Variants in CSMD1 observed in about 807,000 individuals in gnomAD.
CSMD1 encodes CUB and sushi domain-containing protein 1.
Under a neutral mutation model 417.5 loss-of-function variants are expected in CSMD1, and 213 were observed. That is an observed-to-expected ratio of 0.51 (90% confidence interval 0.46 to 0.57). The LOEUF is 0.57. Ranked by LOEUF, CSMD1 falls within the 20% of genes least tolerant of loss-of-function variation. The pLI is 0.00. For synonymous variants in CSMD1, 2,862 were observed against 1,736.8 expected, an observed-to-expected ratio of 1.65 and a Z score of -16.11; for missense variants, 6,923 against 4,529.7, an observed-to-expected ratio of 1.53 and a Z score of -15.17.
At chr8:4,679,660 A>G (rs1352549986) in intron 1 of CSMD1, among the ~76,000 whole-genome samples, 3 of 152,140 alleles carry the variant, frequency 2.0e-5, no homozygotes, top group Non-Finnish European at 4.4e-5. Context: ...GGAAGTTAGG[A>G]GGATCAAACA....
At chr8:3,279,058 G>C (rs17391886) in intron 26 of CSMD1, 1 of 152,130 alleles carries the variant, frequency 6.6e-6, no homozygotes. Context: ...ACTGGTGCCC[G>C]ATTCTCACTG....
chr8:3,582,216 G>T (rs1038839010), intron 9 of CSMD1, among the ~76,000 whole-genome samples: 2 of 152,152 alleles, frequency 1.3e-5, no homozygotes, highest in African/African-American at 2.4e-5. Flanking sequence ...GTCTGTTTTA[G>T]GTAGGATTTA....
chr8:4,070,767 C>T (rs573001295), intron 3 of CSMD1, among the ~76,000 whole-genome samples: 4 of 152,326 alleles, frequency 2.6e-5, no homozygotes, highest in Admixed American at 2.6e-4. Flanking sequence ...GAGCCTGTCA[C>T]TGACACCCTC....
intron 53 of CSMD1, among the ~76,000 whole-genome samples, chr8:2,999,612 C>T (rs1807220927): frequency 6.6e-6 from 1 of 152,138 alleles, no homozygotes; most frequent in Non-Finnish European, 1.5e-5. Context: ...GCACCTCCAC[C>T]CTCCTACTAT....
intron 2 of CSMD1, among the ~76,000 whole-genome samples, chr8:4,505,388 G>C (rs1266963049): frequency 2.6e-5 from 4 of 152,192 alleles, no homozygotes; most frequent in East Asian, 1.9e-4. Context: ...AAATTTCTAA[G>C]ATGATAAATA....
intron 2 of CSMD1, among the ~76,000 whole-genome samples, chr8:4,523,312 A>T (rs890318041): frequency 2.0e-5 from 3 of 152,166 alleles, no homozygotes; most frequent in Non-Finnish European, 4.4e-5. Context: ...GCAGTTCTGA[A>T]ACTGTATACA....
chr8:4,101,534 C>T (rs1249708514), intron 3 of CSMD1, among the ~76,000 whole-genome samples: 1 of 152,110 alleles, frequency 6.6e-6, no homozygotes, highest in Non-Finnish European at 1.5e-5. Flanking sequence ...AGGAAACATA[C>T]CTAAAAAATT....
intron 5 of CSMD1, among the ~76,000 whole-genome samples, chr8:3,754,654 C>T (rs1563343693): frequency 1.3e-5 from 2 of 152,144 alleles, no homozygotes; most frequent in Admixed American, 6.5e-5. Context: ...AAGGTTTTGC[C>T]GTGTTGGCCA....
At chr8:4,175,695 C>G (rs1016689548) in intron 3 of CSMD1, among the ~76,000 whole-genome samples, 1 of 152,054 alleles carries the variant, frequency 6.6e-6, no homozygotes, top group African/African-American at 2.4e-5. Context: ...AATGTCCTCA[C>G]AGAAGGGAGA....
Position 3,795,823 on chromosome 8 carries a change from T to C in CSMD1, c.819-41781A>G, listed in dbSNP as rs1467445093. Among the ~76,000 whole-genome samples the C allele has an allele frequency of 3.0e-5, 2 of 67,518 alleles. 1 individual carries two copies. Among genetic ancestry groups the C allele is most frequent in the African/African-American group, 1.3e-4 (2 of 15,450 alleles). 44.3% of individuals were successfully genotyped at this position (67,518 alleles called of 152,430 possible). A position where few individuals can be genotyped will look rare whatever the true frequency, so the allele number is the denominator to read the frequency against. On this transcript the variant is annotated intron_variant, in intron 5 of 69. Transcript: ENST00000635120. The stretch of plus-strand genomic sequence containing the variant: ...TACCTATCATGTACAGATATAGATA[T>C]ATATCTATCATGTACAGATATAGAT...
chr8:4,001,237 A>C (rs1306581552), intron 4 of CSMD1, among the ~76,000 whole-genome samples: 1 of 152,178 alleles, frequency 6.6e-6, no homozygotes, highest in Non-Finnish European at 1.5e-5. Flanking sequence ...AAAACCTCTC[A>C]GTAACCTTGA....
chr8:3,857,804 G>A (rs937716604), intron 5 of CSMD1, among the ~76,000 whole-genome samples: 2 of 152,158 alleles, frequency 1.3e-5, no homozygotes, highest in African/African-American at 2.4e-5. Flanking sequence ...ACAACACCAG[G>A]CCAGAGTAGA....
At chr8:4,400,286 A>T (rs1249150391) in intron 3 of CSMD1, among the ~76,000 whole-genome samples, 1 of 152,218 alleles carries the variant, frequency 6.6e-6, no homozygotes, top group Non-Finnish European at 1.5e-5. Context: ...TAAGTAAGAT[A>T]CTAGCAAATG....
chr8:3,350,410 T>A (rs1808340862), intron 21 of CSMD1, among the ~76,000 whole-genome samples: 1 of 152,102 alleles, frequency 6.6e-6, no homozygotes, highest in African/African-American at 2.4e-5. Flanking sequence ...AAGCATAGAA[T>A]AGTTTACAAA....
intron 2 of CSMD1, among the ~76,000 whole-genome samples, chr8:4,578,379 C>A (rs1232081600): frequency 2.3e-5 from 3 of 128,822 alleles, no homozygotes; most frequent in African/African-American, 9.4e-5. Flanking sequence ...CGGGGTTTCA[C>A]CGTGTTAGCC....
At chr8:3,597,018 G>A (rs1584939383) in intron 8 of CSMD1, among the ~76,000 whole-genome samples, 2 of 152,118 alleles carry the variant, frequency 1.3e-5, no homozygotes, top group Non-Finnish European at 1.5e-5. Flanking sequence ...GAACCCAGGT[G>A]CTGATGCCAC....
chr8:4,354,986 G>T (rs1015823367), intron 3 of CSMD1, among the ~76,000 whole-genome samples: 1 of 151,660 alleles, frequency 6.6e-6, no homozygotes, highest in Non-Finnish European at 1.5e-5. Context: ...TTTGTGGCCA[G>T]GCACGGTGGC....
At chr8:4,649,539 G>C (rs561415720) in intron 1 of CSMD1, among the ~76,000 whole-genome samples, 77 of 152,130 alleles carry the variant, frequency 5.1e-4, no homozygotes, top group African/African-American at 1.8e-3. Flanking sequence ...ATCCTATCCT[G>C]ACACAATTTA....
intron 5 of CSMD1, among the ~76,000 whole-genome samples, chr8:3,861,263 C>G (rs367757845): frequency 1.3e-5 from 2 of 152,292 alleles, no homozygotes; most frequent in East Asian, 3.9e-4. Flanking sequence ...GTACTATGTA[C>G]CTGCACTTGA....
Sources: allele counts gnomAD v4.1 joint callset (sites outside exome capture counted in the v4.1 genomes callset), GRCh38; gene constraint gnomAD v4.1.1; transcripts MANE v1.5; gene names NCBI Gene and HGNC (gene_info 2026-07-23, HGNC 2026-07-21).